Variants in ANO6 observed in about 807,000 individuals in gnomAD.
ANO6 encodes anoctamin 6, also known as anoctamin-6.
Under a neutral mutation model 117.5 loss-of-function variants are expected in ANO6, and 106 were observed. The observed-to-expected ratio is 0.90, with a 90% confidence interval of 0.77 to 1.06. The LOEUF (loss-of-function observed/expected upper bound fraction) is 1.06. ANO6 is among the 50% of genes least tolerant of loss of function. ANO6 has a pLI of 0.00. For missense variants in ANO6, 955 were observed against 1,121.1 expected, an observed-to-expected ratio of 0.85 and a Z score of 2.12; for synonymous variants, 367 against 385.1, an observed-to-expected ratio of 0.95 and a Z score of 0.55.
intron 7 of ANO6, among the ~76,000 whole-genome samples, chr12:45,353,845 A>G (rs977722579): frequency 6.8e-6 from 1 of 147,448 alleles, no homozygotes; most frequent in Non-Finnish European, 1.5e-5. Flanking sequence ...TGTTGTGAGA[A>G]TAAAATCTAG....
intron 1 of ANO6, among the ~76,000 whole-genome samples, chr12:45,249,631 G>A (rs1947873519): frequency 6.6e-6 from 1 of 152,166 alleles, no homozygotes; most frequent in African/African-American, 2.4e-5. Context: ...TTTATTAAGT[G>A]AAGAGAGAGC....
intron 8 of ANO6, among the ~76,000 whole-genome samples, chr12:45,365,566 G>A (rs1941663576): frequency 6.6e-6 from 1 of 152,188 alleles, no homozygotes; most frequent in Non-Finnish European, 1.5e-5. Flanking sequence ...GGAGCTGCTA[G>A]GCAGGTCAAA....
rs1456745673 is a variant in ANO6, at chr12:45,403,319, T to G, written c.1782+78T>G. The stretch of plus-strand genomic sequence containing the variant: ...GTTGCCCAAATGAATAGTTTTTTAT[T>G]GTAAATTCCTTAGATTTATTTTTTA... On this transcript the variant is annotated intron_variant, in intron 14 of 19. Transcript: ENST00000320560. 5.2e-6 allele frequency: 8 copies of G among 1,553,030 alleles called. No homozygotes were observed. In the African/African-American group the frequency reaches 9.6e-5, roughly 19 times the overall value.
At chr12:45,315,850 C>T (rs1940006600) in intron 2 of ANO6, among the ~76,000 whole-genome samples, 1 of 152,066 alleles carries the variant, frequency 6.6e-6, no homozygotes, top group Non-Finnish European at 1.5e-5. Context: ...GGCTCTCTCA[C>T]CCCCGTCCAG....
At chr12:45,266,057 C>A (rs1173746615) in intron 1 of ANO6, among the ~76,000 whole-genome samples, 1 of 152,204 alleles carries the variant, frequency 6.6e-6, no homozygotes, top group Non-Finnish European at 1.5e-5. Context: ...CTTGGTGAAA[C>A]TTCCCCTGGC....
In ANO6 at chr12:45,424,327, GTTTTTT is replaced by G. The variant is rs66945216; in HGVS notation, c.2526+1288_2526+1293del. On this transcript the variant is annotated intron_variant, in intron 19 of 19. Transcript: ENST00000320560. The stretch of plus-strand genomic sequence containing the variant: ...AGAGAGAGGGAAAACTAGGTGATGG[GTTTTTT>G]TTTTTTTTTTTTTTTTTTTTTTAAA... 2.8e-4 allele frequency among the ~76,000 whole-genome samples: 23 copies of G among 81,272 alleles called. No homozygotes were observed. In the South Asian group the frequency reaches 5.4e-3, roughly 19 times the overall value. The allele number at this position is 81,272 out of a possible 152,430, so 53.3% of individuals were successfully genotyped here.
At chr12:45,329,867 C>A (rs912570762) in intron 2 of ANO6, among the ~76,000 whole-genome samples, 1 of 152,064 alleles carries the variant, frequency 6.6e-6, no homozygotes, top group Non-Finnish European at 1.5e-5. Context: ...CTAAAGGACT[C>A]TGTGGCTGAA....
chr12:45,308,423 G>A (rs1357899940), intron 2 of ANO6, among the ~76,000 whole-genome samples: 2 of 152,026 alleles, frequency 1.3e-5, no homozygotes, highest in African/African-American at 4.8e-5. Flanking sequence ...CCAGTGAAAT[G>A]GAAAGCAAGG....
chr12:45,299,601 C>T (rs1370326286), intron 1 of ANO6, among the ~76,000 whole-genome samples: 2 of 152,060 alleles, frequency 1.3e-5, no homozygotes, highest in Admixed American at 1.3e-4. Flanking sequence ...ATCTGTAATC[C>T]CAGCACTTTG....
intron 11 of ANO6, among the ~76,000 whole-genome samples, chr12:45,389,862 G>A (rs941812452): frequency 2.6e-5 from 4 of 152,204 alleles, no homozygotes; most frequent in Non-Finnish European, 5.9e-5. Context: ...ATACTCTTAA[G>A]TATTTGCAGC....
At chr12:45,380,980 C>G (rs1942153922) in intron 10 of ANO6, among the ~76,000 whole-genome samples, 1 of 152,002 alleles carries the variant, frequency 6.6e-6, no homozygotes, top group African/African-American at 2.4e-5. Flanking sequence ...AAAAAAGTTG[C>G]AATAAAGGCT....
chr12:45,267,656 T>G lies in ANO6; in HGVS notation c.71-34358T>G, dbSNP rs566082491. Among the ~76,000 whole-genome samples the G allele has an allele frequency of 7.6e-4, 115 of 152,178 alleles. 1 individual carries two copies. Among genetic ancestry groups the G allele is most frequent in the African/African-American group, 2.7e-3 (111 of 41,492 alleles). ...AAATATAAAAATTAGCCAGGCATGG[T>G]GGCGGGCACCTGTAATCCCAGCTAC... On this transcript the variant is annotated intron_variant, in intron 1 of 19. Coordinates refer to ENST00000320560, the MANE Select transcript of ANO6 (RefSeq NM_001025356.3).
intron 1 of ANO6, among the ~76,000 whole-genome samples, chr12:45,264,528 A>G (rs1938151249): frequency 6.6e-6 from 1 of 152,200 alleles, no homozygotes; most frequent in South Asian, 2.1e-4. Context: ...CACCATTGAT[A>G]TAGTAAGTGT....
At position 45,331,500 on chromosome 12, in the gene ANO6, A is replaced by G. The variant is rs963221918; in HGVS notation, c.279+77A>G. On this transcript the variant is annotated intron_variant, in intron 3 of 19. Transcript: ENST00000320560. The stretch of plus-strand genomic sequence containing the variant: ...AAAAAACTGCTATTTTGTATAAGTA[A>G]TAAAGTGAAACTGATGTTGAAATAT... 5 of 1,299,274 alleles carry G rather than the reference A, an allele frequency of 3.8e-6. No individual in the cohort carries two copies. The African/African-American group carries it at 7.5e-5, about 20-fold the overall frequency. 80.5% of individuals were successfully genotyped at this position (1,299,274 alleles called of 1,614,324 possible). A position where few individuals can be genotyped will look rare whatever the true frequency, so the allele number is the denominator to read the frequency against.
At chr12:45,438,979 T>C (rs1943739627) in intron 19 of ANO6, among the ~76,000 whole-genome samples, 1 of 152,316 alleles carries the variant, frequency 6.6e-6, no homozygotes, top group Non-Finnish European at 1.5e-5. Flanking sequence ...GTCCTGATAA[T>C]AGATTTTCTA....
At chr12:45,411,254 A>G (rs1161405687) in intron 16 of ANO6, among the ~76,000 whole-genome samples, 1 of 152,208 alleles carries the variant, frequency 6.6e-6, no homozygotes, top group African/African-American at 2.4e-5. Flanking sequence ...TTAGAGTTTC[A>G]TAGGCTCTTT....
At chr12:45,414,329 T>C (rs1425846284) in intron 16 of ANO6, among the ~76,000 whole-genome samples, 3 of 152,152 alleles carry the variant, frequency 2.0e-5, no homozygotes, top group African/African-American at 7.2e-5. Context: ...AAGTTGCTTA[T>C]AAAATTTTTC....
intron 1 of ANO6, among the ~76,000 whole-genome samples, chr12:45,263,587 T>G (rs1938119020): frequency 6.6e-6 from 1 of 152,120 alleles, no homozygotes; most frequent in African/African-American, 2.4e-5. Context: ...ACCAAGGATT[T>G]CCATTGCCTG....
At chr12:45,321,995 G>A (rs1940291343) in intron 2 of ANO6, among the ~76,000 whole-genome samples, 1 of 152,104 alleles carries the variant, frequency 6.6e-6, no homozygotes, top group African/African-American at 2.4e-5. Context: ...AAGAATGCCT[G>A]GTAGTCCAGT....
Sources: allele counts gnomAD v4.1 joint callset (sites outside exome capture counted in the v4.1 genomes callset), GRCh38; gene constraint gnomAD v4.1.1; transcripts MANE v1.5; gene names NCBI Gene and HGNC (gene_info 2026-07-23, HGNC 2026-07-21).